The following GARIN2 variants were observed in gnomAD, a reference collection of about 807,000 sequenced individuals.
GARIN2 encodes golgi associated RAB2 interactor family member 2, also known as Golgi-associated RAB2 interactor protein 2.
At chr14:67,226,840 G>C in the GARIN2 span, among the ~76,000 whole-genome samples, 1 of 152,150 alleles carries the variant, frequency 6.6e-6, no homozygotes, top group Non-Finnish European at 1.5e-5. Flanking sequence ...CCTTAAGAAT[G>C]CTCCTAATAT....
the GARIN2 span, among the ~76,000 whole-genome samples, chr14:67,206,886 C>T: frequency 5.3e-5 from 8 of 152,130 alleles, no homozygotes; most frequent in South Asian, 8.3e-4. Flanking sequence ...GCCCACCACA[C>T]GCCCAGTTAA....
the GARIN2 span, among the ~76,000 whole-genome samples, chr14:67,196,098 G>A: frequency 6.6e-6 from 1 of 152,200 alleles, no homozygotes; most frequent in Admixed American, 6.5e-5. Flanking sequence ...TGTTGTTCCT[G>A]TGCCATCATC....
chr14:67,212,508 C>T, the GARIN2 span, among the ~76,000 whole-genome samples: 1 of 150,274 alleles, frequency 6.7e-6, no homozygotes, highest in Non-Finnish European at 1.5e-5. Context: ...GAAGGATCAC[C>T]TAATCCTGGG....
chr14:67,204,754 A>C, the GARIN2 span: 7 of 1,613,830 alleles, frequency 4.3e-6, no homozygotes, highest in East Asian at 1.3e-4. Flanking sequence ...TCTCTCAGGA[A>C]TTACGAATAG....
chr14:67,201,491 T>C, the GARIN2 span: 1 of 455,924 alleles, frequency 2.2e-6, no homozygotes, highest in African/African-American at 2.0e-5. Context: ...CAGTAGAAGA[T>C]ATTCATCTCA....
chr14:67,212,214 T>C, the GARIN2 span, among the ~76,000 whole-genome samples: 1 of 152,152 alleles, frequency 6.6e-6, no homozygotes, highest in Non-Finnish European at 1.5e-5. Flanking sequence ...ACATATTAGT[T>C]GCTCAGTAAA....
the GARIN2 span, chr14:67,201,338 C>A: frequency 8.1e-6 from 3 of 371,956 alleles, no homozygotes; most frequent in South Asian, 4.0e-5. Context: ...TAAAAGAGAG[C>A]AATTATCTCA....
At chr14:67,207,716 GA>G in the GARIN2 span, among the ~76,000 whole-genome samples, 2 of 152,212 alleles carry the variant, frequency 1.3e-5, no homozygotes, top group African/African-American at 4.8e-5. Flanking sequence ...CAGAAATTGG[GA>G]AATTAGGAGG....
the GARIN2 span, chr14:67,223,748 C>T: frequency 3.0e-6 from 3 of 984,526 alleles, no homozygotes; most frequent in African/African-American, 5.2e-5. Flanking sequence ...TTTTTTCTTA[C>T]TTAGGCTTGT....
the GARIN2 span, among the ~76,000 whole-genome samples, chr14:67,227,088 G>A: frequency 6.6e-6 from 1 of 152,190 alleles, no homozygotes; most frequent in African/African-American, 2.4e-5. Context: ...ACAGAGAGCT[G>A]CAAATGCAAA....
At chr14:67,193,417 CTA>C in the GARIN2 span, among the ~76,000 whole-genome samples, 2 of 137,974 alleles carry the variant, frequency 1.4e-5, no homozygotes, top group African/African-American at 5.3e-5. Flanking sequence ...ATCTATATAT[CTA>C]TATTTATATC....
the GARIN2 span, chr14:67,203,355 T>A: frequency 7.4e-7 from 1 of 1,357,668 alleles, no homozygotes; most frequent in Non-Finnish European, 9.9e-7. Context: ...CCTGTGGATC[T>A]GAAAACGGAA....
At chr14:67,192,755 A>G in the GARIN2 span, among the ~76,000 whole-genome samples, 1 of 149,882 alleles carries the variant, frequency 6.7e-6, no homozygotes, top group Admixed American at 6.7e-5. Context: ...AATATATATT[A>G]CACATATTTT....
At chr14:67,212,988 G>A in the GARIN2 span, among the ~76,000 whole-genome samples, 1 of 151,620 alleles carries the variant, frequency 6.6e-6, no homozygotes. Flanking sequence ...AAATGAGGAC[G>A]CTGGACCAGC....
At chr14:67,199,573 T>C in the GARIN2 span, 1 of 1,596,488 alleles carries the variant, frequency 6.3e-7, no homozygotes, top group East Asian at 2.2e-5. Flanking sequence ...GTAACCACCC[T>C]ATCACCGTAT....
At chr14:67,205,008 C>A in the GARIN2 span, 32 of 1,558,174 alleles carry the variant, frequency 2.1e-5, no homozygotes, top group Middle Eastern at 1.7e-4. Context: ...AAGTCACAGA[C>A]AGCTCTGATA....
chr14:67,196,102 C>T, the GARIN2 span, among the ~76,000 whole-genome samples: 1 of 151,730 alleles, frequency 6.6e-6, no homozygotes, highest in Non-Finnish European at 1.5e-5. Flanking sequence ...GTTCCTGTGC[C>T]ATCATCCTCT....
At chr14:67,198,242 A>T in the GARIN2 span, 1 of 1,613,926 alleles carries the variant, frequency 6.2e-7, no homozygotes. Flanking sequence ...ATGATCCGAG[A>T]GATCTTCAAA....
chr14:67,194,583 G>A, the GARIN2 span, among the ~76,000 whole-genome samples: 2 of 152,146 alleles, frequency 1.3e-5, no homozygotes, highest in Admixed American at 6.5e-5. Context: ...TTGGCTCACT[G>A]CAACCTCCGC....
Sources: gnomAD v4.1 joint callset for allele counts (sites outside exome capture counted in the v4.1 genomes callset) on GRCh38, gnomAD v4.1.1 for gene constraint, MANE v1.5 for transcripts, NCBI Gene and HGNC (gene_info 2026-07-23, HGNC 2026-07-21) for gene names.